SEMA6D: variants seen among roughly 807,000 people sequenced by gnomAD.
SEMA6D encodes semaphorin 6D, also known as semaphorin-6D.
Under a neutral mutation model 106.6 loss-of-function variants are expected in SEMA6D, and 35 were observed. The ratio of observed to expected loss-of-function variants is 0.33; its 90% CI spans 0.25 to 0.44. The LOEUF is 0.44. Ranked by LOEUF, SEMA6D falls within the 20% of genes least tolerant of loss-of-function variation. The probability of loss-of-function intolerance (pLI) is 1.00; values close to 1 mark genes in which losing one functional copy is unlikely to be tolerated. For synonymous variants in SEMA6D, 499 were observed against 487.7 expected, an observed-to-expected ratio of 1.02 and a Z score of -0.31; for missense variants, 1,185 against 1,345.9, an observed-to-expected ratio of 0.88 and a Z score of 1.87.
At chr15:47,711,863 A>C (rs1395139186) in intron 4 of SEMA6D, among the ~76,000 whole-genome samples, 2 of 152,208 alleles carry the variant, frequency 1.3e-5, no homozygotes, top group East Asian at 3.9e-4. Context: ...AGTAGGTGGC[A>C]CTAGTGGTTT....
rs543025837 is a variant in SEMA6D at position 47,210,759 on chromosome 15, C to T, written c.-239+26341C>T. Among the ~76,000 whole-genome samples, 418 of 105,874 alleles carry T rather than the reference C, an allele frequency of 3.9e-3. 6 individuals are homozygous for T. The highest frequency in any genetic ancestry group is 3.1e-3 in the South Asian group (9 of 2,932). The allele number at this position is 105,874 out of a possible 152,430, so 69.5% of individuals were successfully genotyped here. A position where few individuals can be genotyped will look rare whatever the true frequency, so the allele number is the denominator to read the frequency against. On this transcript the variant is annotated intron_variant, in intron 1 of 19. Coordinates refer to the SEMA6D transcript ENST00000558014. ...CAGCCTGGGCGACAGAGGGAGACTC[C>T]GTCTCAAAAAAAAAAAAAAAAAAAA...
At chr15:47,415,539 C>G (rs1382265032) in intron 2 of SEMA6D, among the ~76,000 whole-genome samples, 5 of 152,150 alleles carry the variant, frequency 3.3e-5, no homozygotes, top group Non-Finnish European at 7.3e-5. Context: ...CCTTTCTCCT[C>G]TCCTTCACAC....
intron 3 of SEMA6D, among the ~76,000 whole-genome samples, chr15:47,560,875 G>C (rs2142673454): frequency 6.6e-6 from 1 of 152,100 alleles, no homozygotes; most frequent in African/African-American, 2.4e-5. Flanking sequence ...GATTGCCTCG[G>C]TCTAACAGAA....
chr15:47,741,923 T>C (rs1221764688), intron 1 of SEMA6D, among the ~76,000 whole-genome samples: 1 of 151,944 alleles, frequency 6.6e-6, no homozygotes, highest in Non-Finnish European at 1.5e-5. Context: ...AAATCCACAG[T>C]AGAAATGGAT....
intron 1 of SEMA6D, among the ~76,000 whole-genome samples, chr15:47,248,730 C>T (rs890768778): frequency 3.3e-5 from 5 of 152,136 alleles, no homozygotes; most frequent in Non-Finnish European, 5.9e-5. Flanking sequence ...GACATGACAA[C>T]CATTCATGTG....
chr15:47,548,614 T>TA (rs36011641), intron 3 of SEMA6D, among the ~76,000 whole-genome samples: 1 of 152,154 alleles, frequency 6.6e-6, no homozygotes, highest in African/African-American at 2.4e-5. Context: ...TTGTGCTCCA[T>TA]AAAAAAAGGT....
At chr15:47,492,037 A>T (rs1418970559) in intron 3 of SEMA6D, among the ~76,000 whole-genome samples, 1 of 152,168 alleles carries the variant, frequency 6.6e-6, no homozygotes, top group African/African-American at 2.4e-5. Flanking sequence ...GAAATTCAAG[A>T]TGTAGAAATT....
intron 1 of SEMA6D, among the ~76,000 whole-genome samples, chr15:47,275,875 A>G (rs946298623): frequency 6.6e-6 from 1 of 152,162 alleles, no homozygotes; most frequent in African/African-American, 2.4e-5. Flanking sequence ...TGTACCAGTT[A>G]ATCAAGTGTC....
intron 4 of SEMA6D, among the ~76,000 whole-genome samples, chr15:47,617,522 G>C (rs918156307): frequency 1.3e-5 from 2 of 152,180 alleles, no homozygotes; most frequent in Admixed American, 6.5e-5. Context: ...TTTCAGGAAA[G>C]AGGAAAATGG....
rs186362802 is a variant in SEMA6D, at chr15:47,252,640, A to G, written c.-239+68222A>G. The stretch of plus-strand genomic sequence containing the variant: ...CTAGATTCCATATGTATGTGAGATC[A>G]TACAATTTTGGTCTTTCTGTGTCTG... On this transcript the variant is annotated intron_variant, in intron 1 of 19. Coordinates refer to the SEMA6D transcript ENST00000558014. 5.3e-5 allele frequency among the ~76,000 whole-genome samples: 8 copies of G among 152,328 alleles called. No individual in the cohort carries two copies. The East Asian group carries it at 1.5e-3, about 29-fold the overall frequency.
intron 4 of SEMA6D, among the ~76,000 whole-genome samples, chr15:47,637,108 C>A (rs1396707363): frequency 6.6e-6 from 1 of 152,188 alleles, no homozygotes; most frequent in Non-Finnish European, 1.5e-5. Flanking sequence ...CAGCTCTGGA[C>A]AGAATTTTTG....
chr15:47,734,051 T>C (rs996082305), intron 1 of SEMA6D, among the ~76,000 whole-genome samples: 19 of 152,136 alleles, frequency 1.2e-4, no homozygotes, highest in African/African-American at 4.3e-4. Context: ...GGAGACTTGT[T>C]TGTGATGGGG....
intron 3 of SEMA6D, among the ~76,000 whole-genome samples, chr15:47,539,111 A>G (rs966343529): frequency 1.3e-5 from 2 of 152,214 alleles, no homozygotes; most frequent in Non-Finnish European, 2.9e-5. Context: ...ATTGCAAGAA[A>G]CATTCTGCTT....
At chr15:47,647,877 G>T (rs1306307337) in intron 4 of SEMA6D, among the ~76,000 whole-genome samples, 1 of 152,150 alleles carries the variant, frequency 6.6e-6, no homozygotes, top group Non-Finnish European at 1.5e-5. Flanking sequence ...AACTGTGAAG[G>T]AGAGACTTAA....
chr15:47,464,115 G>T (rs917196880), intron 2 of SEMA6D, among the ~76,000 whole-genome samples: 6 of 152,072 alleles, frequency 3.9e-5, no homozygotes, highest in Non-Finnish European at 8.8e-5. Flanking sequence ...GGTTTCAGGG[G>T]TTATGATCTG....
chr15:47,715,311 T>G (rs1596725359), upstream of SEMA6D, among the ~76,000 whole-genome samples: 1 of 152,294 alleles, frequency 6.6e-6, no homozygotes, highest in South Asian at 2.1e-4. Context: ...TAAAATCAAC[T>G]GATGAGACCA....
At chr15:47,193,264 A>T (rs987342823) in intron 1 of SEMA6D, among the ~76,000 whole-genome samples, 2 of 152,180 alleles carry the variant, frequency 1.3e-5, no homozygotes, top group African/African-American at 4.8e-5. Flanking sequence ...TGTTATGAGG[A>T]TCAAATGAGT....
At chr15:47,648,323 A>G (rs932921760) in intron 4 of SEMA6D, among the ~76,000 whole-genome samples, 12 of 152,122 alleles carry the variant, frequency 7.9e-5, no homozygotes, top group African/African-American at 2.9e-4. Context: ...GTGAAATGGC[A>G]TGTTTGAAGT....
chr15:47,432,415 C>T (rs913858151), intron 2 of SEMA6D, among the ~76,000 whole-genome samples: 1 of 151,960 alleles, frequency 6.6e-6, no homozygotes, highest in African/African-American at 2.4e-5. Context: ...CCTAATTGTT[C>T]TCTGATTCTT....
Sources: allele counts gnomAD v4.1 joint callset (sites outside exome capture counted in the v4.1 genomes callset), GRCh38; gene constraint gnomAD v4.1.1; transcripts MANE v1.5; gene names NCBI Gene and HGNC (gene_info 2026-07-23, HGNC 2026-07-21).